RPGRIP1L: variants seen among roughly 807,000 people sequenced by gnomAD.
RPGRIP1L encodes RPGRIP1 like.
In RPGRIP1L, 131 loss-of-function variants were observed where a neutral mutation model predicts 160.4. The observed-to-expected ratio is 0.82, with a 90% CI of 0.71 to 0.94. RPGRIP1L has a LOEUF of 0.94. RPGRIP1L is among the 40% of genes least tolerant of loss of function. The probability of loss-of-function intolerance (pLI) is 0.00; values close to 1 mark genes in which losing one functional copy is unlikely to be tolerated. For synonymous variants in RPGRIP1L, 510 were observed against 515.8 expected, an observed-to-expected ratio of 0.99 and a Z score of 0.15; for missense variants, 1,522 against 1,535.8, an observed-to-expected ratio of 0.99 and a Z score of 0.15.
At position 53,622,799 on chromosome 16, in the gene RPGRIP1L, C is replaced by CCACACACACACA. The variant is rs201959082; in HGVS notation, c.3295-455_3295-444dup. On this transcript the variant is annotated intron_variant, in intron 22 of 26. Coordinates refer to ENST00000647211, the MANE Select transcript of RPGRIP1L (RefSeq NM_015272.5). ...TCCAAAAAATAAAACAAAACAAAAA[C>CCACACACACACA]CACACACACACACACACACACACAC... Among the ~76,000 whole-genome samples the CCACACACACACA allele has an allele frequency of 5.6e-3, 756 of 135,876 alleles. 8 individuals carry two copies. Among genetic ancestry groups the CCACACACACACA allele is most frequent in the African/African-American group, 0.02 (680 of 34,692 alleles). The allele number at this position is 135,876 out of a possible 152,430, so 89.1% of individuals were successfully genotyped here. A position where few individuals can be genotyped will look rare whatever the true frequency, so the allele number is the denominator to read the frequency against.
chr16:53,688,984 A>T (rs1970207921), intron 4 of RPGRIP1L, among the ~76,000 whole-genome samples: 1 of 151,656 alleles, frequency 6.6e-6, no homozygotes, highest in South Asian at 2.1e-4. Flanking sequence ...CCATGAAAAA[A>T]TTCAACATTA....
intron 16 of RPGRIP1L, among the ~76,000 whole-genome samples, chr16:53,648,181 T>C (rs1966693330): frequency 6.6e-6 from 1 of 150,538 alleles, no homozygotes; most frequent in Admixed American, 6.6e-5. Context: ...TTAACCTTGC[T>C]CAATTCAAGG....
chr16:53,602,761 C>T (rs907943233), intron 26 of RPGRIP1L, among the ~76,000 whole-genome samples: 19 of 140,934 alleles, frequency 1.3e-4, no homozygotes, highest in Non-Finnish European at 2.4e-4. Context: ...GAGACAAGAG[C>T]GAGACTCCTC....
chr16:53,609,357 C>A (rs1963884787), intron 25 of RPGRIP1L, among the ~76,000 whole-genome samples: 1 of 152,156 alleles, frequency 6.6e-6, no homozygotes, highest in African/African-American at 2.4e-5. Context: ...CTTGGCCTCC[C>A]AAAGTGCTGG....
chr16:53,623,552 T>C (rs1964878673), intron 22 of RPGRIP1L, among the ~76,000 whole-genome samples: 1 of 152,246 alleles, frequency 6.6e-6, no homozygotes, highest in Admixed American at 6.5e-5. Flanking sequence ...TGCTGTTTTA[T>C]ATTGCTCAGT....
intron 9 of RPGRIP1L, among the ~76,000 whole-genome samples, chr16:53,666,559 T>C (rs1380254525): frequency 7.1e-6 from 1 of 141,694 alleles, no homozygotes; most frequent in Non-Finnish European, 1.5e-5. Context: ...TGAATGTGAG[T>C]ACATCTATGT....
rs542206983 is a variant in RPGRIP1L at position 53,648,965 on chromosome 16, G to T, written c.2303C>A (p.Ser768Ter). 1.9e-6 allele frequency: 3 copies of T among 1,613,344 alleles called. No individual in the cohort carries two copies. The Admixed American group carries it at 5.0e-5, about 27-fold the overall frequency. ...SNFKGPEHMQ[S>*]LSQQAPKTAQ... Reference sequence around the variant, plus strand: ...GGTCTTAAAGCCAAATGAGCTTACCGACTGCATATGCTCTGGCCCCTTAAA... The same window carrying T: ...GGTCTTAAAGCCAAATGAGCTTACCTACTGCATATGCTCTGGCCCCTTAAA... Residue 768 changes from serine to a stop codon, truncating the protein, a stop_gained and splice_region_variant, in exon 16 of 27, where the codon TCG (serine) becomes TAG (stop). Transcript: ENST00000647211. LOFTEE classifies it high-confidence loss of function.
chr16:53,656,617 A>G, intron 13 of RPGRIP1L, 28 bp from the exon 14 acceptor site: 2 of 1,404,592 alleles, frequency 1.4e-6, no homozygotes, highest in Non-Finnish European at 2.0e-6. Context: ...ATAAGTTTTA[A>G]TACTTATGAT....
chr16:53,699,495 G>A (rs1201511825), intron 2 of RPGRIP1L, among the ~76,000 whole-genome samples: 1 of 151,766 alleles, frequency 6.6e-6, no homozygotes, highest in East Asian at 1.9e-4. Context: ...AGAGACTAAG[G>A]TCCTGTGATA....
chr16:53,641,406 A>G lies in RPGRIP1L; in HGVS notation c.2753T>C (p.Phe918Ser). Residue 918 changes from phenylalanine to serine, a missense_variant, in exon 18 of 27, where the codon TTT becomes TCT. Physicochemically the swap from Phe to Ser is radical, Grantham distance 155. Coordinates refer to ENST00000647211, the MANE Select transcript of RPGRIP1L (RefSeq NM_015272.5). Reference sequence around the variant, plus strand: ...TGATCCACTTGGTGGAAGGTAAGCAAATTTCCATTTCAATATAACATGGAT... The same window carrying G: ...TGATCCACTTGGTGGAAGGTAAGCAGATTTCCATTTCAATATAACATGGAT... Reference protein sequence around the residue: ...GTIHVILKWKFAYLPPSGSIT... With the variant: ...GTIHVILKWKSAYLPPSGSIT... 2 of 1,614,092 alleles carry G rather than the reference A, an allele frequency of 1.2e-6. No homozygotes were observed. Among genetic ancestry groups the G allele is most frequent in the South Asian group, 2.2e-5 (2 of 91,086 alleles).
At position 53,619,056 on chromosome 16, in the gene RPGRIP1L, A is replaced by C. The variant is rs376935464; in HGVS notation, c.3585T>G (p.Ser1195Arg). Residue 1195 changes from serine to arginine, a missense_variant, in exon 24 of 27, where the codon AGT (serine) becomes AGG (arginine). Physicochemically the swap from Ser to Arg is moderately radical, Grantham distance 110. Coordinates refer to ENST00000647211, the MANE Select transcript of RPGRIP1L (RefSeq NM_015272.5). ...TATAGTTATAGTAGACCCACTGCCC[A>C]CTCTTGGGTTTTGGAAGTGACACGG... ...ETPVSLPKPKSGQWVYYNYSN... is the reference protein window; with the variant it reads ...ETPVSLPKPKRGQWVYYNYSN... 37 of 1,613,684 alleles carry C rather than the reference A, an allele frequency of 2.3e-5. No homozygotes were observed. The highest frequency in any genetic ancestry group is 3.1e-5 in the Non-Finnish European group (36 of 1,179,900).
intron 23 of RPGRIP1L, 30 bp from the exon 24 acceptor site, chr16:53,619,238 A>G: frequency 6.3e-7 from 1 of 1,586,558 alleles, no homozygotes. Flanking sequence ...AAAAAACAAC[A>G]AAGAAATAAA....
At chr16:53,645,497 T>C (rs534661433) in intron 17 of RPGRIP1L, 128 bp downstream of exon 17, 631 of 761,744 alleles carry the variant, frequency 8.3e-4, no homozygotes, top group Non-Finnish European at 1.2e-3. Flanking sequence ...AATATAGTAA[T>C]ATAGGCCTAA....
At chr16:53,602,703 G>A (rs1285015668) in intron 26 of RPGRIP1L, among the ~76,000 whole-genome samples, 1 of 152,002 alleles carries the variant, frequency 6.6e-6, no homozygotes, top group Non-Finnish European at 1.5e-5. Context: ...GAACTCGGGA[G>A]GTGGAGGTTG....
chr16:53,631,692 AAATGTCCAAAGTTTTACATCTCTCAG>A (rs756497272), intron 22 of RPGRIP1L, among the ~76,000 whole-genome samples: 57 of 152,294 alleles, frequency 3.7e-4, no homozygotes, highest in Middle Eastern at 6.8e-3. Flanking sequence ...ATTCATAGAG[AAATGTCCAAAGTTTTACATCTCTCAG>A]AATTCTGTCC....
chr16:53,603,701 T>TGTGTGTGTGTGC (rs1963505805), intron 26 of RPGRIP1L, among the ~76,000 whole-genome samples: 1 of 151,788 alleles, frequency 6.6e-6, no homozygotes, highest in Non-Finnish European at 1.5e-5. Flanking sequence ...TGTGTGTGTG[T>TGTGTGTGTGTGC]GTGTGTGTTT....
At chr16:53,648,165 T>G (rs1467632131) in intron 16 of RPGRIP1L, among the ~76,000 whole-genome samples, 1 of 141,710 alleles carries the variant, frequency 7.1e-6, no homozygotes, top group African/African-American at 2.6e-5. Context: ...AAGTAAAGAA[T>G]CCTATTTAAC....
chr16:53,676,594 GTC>G (rs1969190886), intron 6 of RPGRIP1L, among the ~76,000 whole-genome samples: 2 of 151,870 alleles, frequency 1.3e-5, no homozygotes, highest in Non-Finnish European at 2.9e-5. Flanking sequence ...ATTTCCAGTT[GTC>G]TCTGATATTT....
intron 9 of RPGRIP1L, among the ~76,000 whole-genome samples, chr16:53,668,599 C>G (rs1198386958): frequency 6.6e-6 from 1 of 152,006 alleles, no homozygotes; most frequent in East Asian, 1.9e-4. Flanking sequence ...AATAAGTTTT[C>G]CAGGTTATTT....
Sources: gnomAD v4.1 joint callset for allele counts (sites outside exome capture counted in the v4.1 genomes callset) on GRCh38, gnomAD v4.1.1 for gene constraint, MANE v1.5 for transcripts, NCBI Gene and HGNC (gene_info 2026-07-23, HGNC 2026-07-21) for gene names.